THSD7A: variants seen among roughly 807,000 people sequenced by gnomAD.
THSD7A encodes thrombospondin type 1 domain containing 7A, also known as thrombospondin type-1 domain-containing protein 7A.
THSD7A carries 96 observed loss-of-function variants against 231.3 expected under a neutral mutation model. The ratio of observed to expected loss-of-function variants is 0.41; its 90% CI spans 0.35 to 0.49. The LOEUF (loss-of-function observed/expected upper bound fraction) is 0.49. THSD7A is among the 20% of genes least tolerant of loss of function. The probability of loss-of-function intolerance (pLI) is 0.05; values close to 1 mark genes in which losing one functional copy is unlikely to be tolerated. For synonymous variants in THSD7A, 940 were observed against 743.3 expected (o/e 1.26, Z -4.30); for missense variants, 2,290 against 2,070.2 (o/e 1.11, Z -2.06).
Position 11,466,046 on chromosome 7 carries a change from A to G in THSD7A, c.2368+3833T>C, listed in dbSNP as rs562102717. ...TAGAAGAAGGCTGAATAACATTTCA[A>G]ACAACTCTTTTAGTTCTTCCTGGAA... On this transcript the variant is annotated intron_variant, in intron 9 of 27. Transcript: ENST00000423059. Among the ~76,000 whole-genome samples the G allele has an allele frequency of 2.0e-5, 3 of 152,302 alleles. No individual in the cohort carries two copies. In the South Asian group the frequency reaches 6.2e-4, roughly 32 times the overall value.
At position 11,417,556 on chromosome 7, in the gene THSD7A, T is replaced by C. The variant is rs1300160689; in HGVS notation, c.3431A>G (p.Tyr1144Cys). The change falls in exon 17 of 28, where the codon TAC becomes TGC. Residue 1144 changes from tyrosine (Y) to cysteine (C), a missense_variant. By Grantham distance (194) the Tyr-to-Cys change is radical. Transcript: ENST00000423059. ...GGGCATCTCTTCTGGGTCACAGAGG[T>C]AATCCTCTACATGTTCAGAAGGGCC... ...ADGPSEHVED[Y>C]LCDPEEMPLG... The C allele has an allele frequency of 6.2e-7, 1 of 1,613,706 alleles. No individual in the cohort carries two copies. The highest frequency in any genetic ancestry group is 8.5e-7 in the Non-Finnish European group (1 of 1,179,746).
intron 1 of THSD7A, among the ~76,000 whole-genome samples, chr7:11,788,017 C>T (rs905565187): frequency 6.6e-6 from 1 of 152,012 alleles, no homozygotes. Context: ...GTTCACATAT[C>T]CAAAACCCAA....
chr7:11,713,226 C>T (rs556683474), intron 1 of THSD7A, among the ~76,000 whole-genome samples: 1 of 151,278 alleles, frequency 6.6e-6, no homozygotes, highest in African/African-American at 2.4e-5. Context: ...TTTTGTGTTT[C>T]CCTCCCATTC....
At position 11,769,069 on chromosome 7, in the gene THSD7A, T is replaced by A. The variant is rs1783121570; in HGVS notation, c.190+62688A>T. On this transcript the variant is annotated intron_variant, in intron 1 of 27. Coordinates refer to ENST00000423059, the MANE Select transcript of THSD7A (RefSeq NM_015204.3). The stretch of plus-strand genomic sequence containing the variant: ...GCCTCCTGGATTCAAGTGATTCTCC[T>A]GCCTCAGCCTCCTGAGTAGCTGCGA... Among the ~76,000 whole-genome samples the A allele has an allele frequency of 2.1e-5, 3 of 141,414 alleles. No individual in the cohort carries two copies. The Admixed American group carries it at 2.2e-4, about 10-fold the overall frequency. The allele number at this position is 141,414 out of a possible 152,430, so 92.8% of individuals were successfully genotyped here.
At chr7:11,611,840 G>GTCTATCTATCTATCTA (rs570012898) in intron 2 of THSD7A, among the ~76,000 whole-genome samples, 19 of 139,530 alleles carry the variant, frequency 1.4e-4, no homozygotes, top group East Asian at 4.3e-4. Context: ...ACTATCATCT[G>GTCTATCTATCTATCTA]TCTATCTATC....
chr7:11,555,090 T>C (rs1789790009), intron 4 of THSD7A, among the ~76,000 whole-genome samples: 1 of 151,918 alleles, frequency 6.6e-6, no homozygotes, highest in Non-Finnish European at 1.5e-5. Context: ...TTCAATTTCA[T>C]TGATTTCTGT....
chr7:11,518,636 C>T (rs1258290669), intron 6 of THSD7A, among the ~76,000 whole-genome samples: 2 of 152,050 alleles, frequency 1.3e-5, no homozygotes, highest in African/African-American at 4.8e-5. Context: ...CACAGGCACG[C>T]ACACATAGAT....
intron 4 of THSD7A, among the ~76,000 whole-genome samples, chr7:11,580,916 A>G (rs1416771536): frequency 6.6e-6 from 1 of 152,164 alleles, no homozygotes; most frequent in African/African-American, 2.4e-5. Context: ...ATAAAAACAT[A>G]AAAAATTATA....
chr7:11,440,487 T>G (rs1784769642), intron 13 of THSD7A, among the ~76,000 whole-genome samples: 1 of 152,036 alleles, frequency 6.6e-6, no homozygotes, highest in Non-Finnish European at 1.5e-5. Flanking sequence ...CTGGAAAGGA[T>G]TCACCAACCT....
At chr7:11,438,741 C>T (rs912768604) in intron 13 of THSD7A, among the ~76,000 whole-genome samples, 11 of 151,964 alleles carry the variant, frequency 7.2e-5, no homozygotes, top group Non-Finnish European at 1.6e-4. Flanking sequence ...ATGATGTCCA[C>T]ATGGCAGTAC....
chr7:11,680,169 C>CCCCTT (rs1783813521), intron 1 of THSD7A, among the ~76,000 whole-genome samples: 1 of 151,674 alleles, frequency 6.6e-6, no homozygotes, highest in Admixed American at 6.6e-5. Context: ...TGAAAGTGGA[C>CCCCTT]CCCTTCCTTA....
chr7:11,724,045 A>C (rs1781457427), intron 1 of THSD7A, among the ~76,000 whole-genome samples: 1 of 152,070 alleles, frequency 6.6e-6, no homozygotes, highest in African/African-American at 2.4e-5. Flanking sequence ...ACTTAAATAA[A>C]AATAATAGGA....
At chr7:11,574,423 A>G (rs1276816424) in intron 4 of THSD7A, among the ~76,000 whole-genome samples, 3 of 149,902 alleles carry the variant, frequency 2.0e-5, no homozygotes, top group Non-Finnish European at 4.4e-5. Flanking sequence ...GTCATAGAAA[A>G]GGGAAACAAA....
intron 1 of THSD7A, among the ~76,000 whole-genome samples, chr7:11,706,629 G>GTTTTTTTTTTTTTTT (rs1780775506): frequency 1.1e-4 from 6 of 54,386 alleles, no homozygotes; most frequent in Admixed American, 2.1e-4. Context: ...TTAACAAGGT[G>GTTTTTTTTTTTTTTT]CTTTTTTTTT....
At chr7:11,828,002 C>T (rs896273034) in intron 1 of THSD7A, among the ~76,000 whole-genome samples, 32 of 152,162 alleles carry the variant, frequency 2.1e-4, no homozygotes, top group African/African-American at 7.7e-4. Flanking sequence ...AAGCCCTCTT[C>T]TACTCACTCT....
Position 11,407,163 on chromosome 7 carries a change from A to G in THSD7A, c.3917-108T>C, listed in dbSNP as rs569361098. 17 of 1,487,732 alleles carry G rather than the reference A, an allele frequency of 1.1e-5. No homozygotes were observed. In the South Asian group the frequency reaches 2.1e-4, roughly 18 times the overall value. The allele number at this position is 1,487,732 out of a possible 1,614,324, so 92.2% of individuals were successfully genotyped here. On this transcript the variant is annotated intron_variant, in intron 20 of 27. Transcript: ENST00000423059. ...TGATATCTCCTGAGGCAATCCAGGAACAAGTAAGGCTTAGATGTTTTGCAA... is the reference window on the plus strand; with the variant it reads ...TGATATCTCCTGAGGCAATCCAGGAGCAAGTAAGGCTTAGATGTTTTGCAA...
intron 1 of THSD7A, among the ~76,000 whole-genome samples, chr7:11,735,103 T>C (rs918309126): frequency 1.3e-5 from 2 of 151,930 alleles, no homozygotes; most frequent in African/African-American, 4.8e-5. Flanking sequence ...ATATCACATA[T>C]AGTTCCAGCT....
intron 13 of THSD7A, among the ~76,000 whole-genome samples, chr7:11,442,292 C>T (rs1196787639): frequency 6.6e-6 from 1 of 151,498 alleles, no homozygotes; most frequent in Non-Finnish European, 1.5e-5. Flanking sequence ...GTTTAAGAAA[C>T]TTAAAAAAAA....
rs79480406 is a variant in THSD7A at position 11,482,551 on chromosome 7, T to A, written c.1823-569A>T. On this transcript the variant is annotated intron_variant, in intron 6 of 27. Coordinates refer to ENST00000423059, the MANE Select transcript of THSD7A (RefSeq NM_015204.3). ...AAATGTAAATGATGGGATAACATTA[T>A]AAAGTCACTGCTTAAGGTGATCCCA... Among the ~76,000 whole-genome samples, 138 of 152,294 alleles carry A rather than the reference T, an allele frequency of 9.1e-4. No individual in the cohort carries two copies. In the East Asian group the frequency reaches 0.023, roughly 25 times the overall value.
Sources: gnomAD v4.1 joint callset for allele counts (sites outside exome capture counted in the v4.1 genomes callset) on GRCh38, gnomAD v4.1.1 for gene constraint, MANE v1.5 for transcripts, NCBI Gene and HGNC (gene_info 2026-07-23, HGNC 2026-07-21) for gene names.